ATG13: variants seen among roughly 807,000 people sequenced by gnomAD.
The protein encoded by ATG13 is autophagy-related protein 13.
Under a neutral mutation model 65.5 loss-of-function variants are expected in ATG13, and 23 were observed. The observed-to-expected ratio is 0.35, with a 90% confidence interval of 0.25 to 0.50. The LOEUF is 0.50. ATG13 is among the 20% of genes least tolerant of loss of function. The pLI is 0.98. For missense variants in ATG13, 566 were observed against 677.0 expected (o/e 0.84, Z 1.82); for synonymous variants, 252 against 245.2 (o/e 1.03, Z -0.26).
intron 2 of ATG13, among the ~76,000 whole-genome samples, chr11:46,642,815 T>C (rs2056477281): frequency 6.6e-6 from 1 of 152,208 alleles, no homozygotes; most frequent in South Asian, 2.1e-4. Flanking sequence ...TCAAAAGCCT[T>C]GGGTGGGCTC....
In ATG13 at chr11:46,672,346, T is replaced by A; in HGVS notation, c.*14T>A. On this transcript the variant is annotated 3_prime_UTR_variant, in exon 19 of 19. Coordinates refer to ENST00000683050, the MANE Select transcript of ATG13 (RefSeq NM_001346311.2). ...ACCCTGCAGTAAAAGTATCCTTGAG[T>A]CCCAGCAGCACCCCCTTTTTGTGGC... is the stretch of plus-strand genomic sequence containing the variant. 1 of 1,614,110 alleles carries A rather than the reference T, an allele frequency of 6.2e-7. No homozygotes were observed. The highest frequency in any genetic ancestry group is 1.1e-5 in the South Asian group (1 of 91,084).
intron 14 of ATG13, 111 bp downstream of exon 14, chr11:46,665,630 A>T (rs1397548082): frequency 6.4e-6 from 9 of 1,402,998 alleles, no homozygotes; most frequent in Non-Finnish European, 8.6e-6. Flanking sequence ...ATTGGCTGGG[A>T]CATGGCATTT....
chr11:46,660,281 C>T (rs1268433520), intron 11 of ATG13, among the ~76,000 whole-genome samples: 2 of 151,772 alleles, frequency 1.3e-5, no homozygotes, highest in Non-Finnish European at 2.9e-5. Context: ...TACCTCAGTT[C>T]TACTTGCCTT....
intron 11 of ATG13, among the ~76,000 whole-genome samples, chr11:46,661,830 C>CA (rs1247244871): frequency 1.1e-4 from 17 of 150,166 alleles, no homozygotes; most frequent in East Asian, 7.8e-4. Context: ...GATCCTGTCT[C>CA]AAAAAAAAAT....
intron 5 of ATG13, 120 bp from the exon 6 acceptor site, chr11:46,649,017 A>G (rs2058345536): frequency 1.3e-6 from 1 of 764,712 alleles, no homozygotes; most frequent in Non-Finnish European, 2.0e-6. Flanking sequence ...GTTCGATTAT[A>G]AGTTGATATC....
chr11:46,623,137 A>G (rs2048319102), intron 1 of ATG13, among the ~76,000 whole-genome samples: 1 of 152,010 alleles, frequency 6.6e-6, no homozygotes, highest in South Asian at 2.1e-4. Context: ...AAATACAAAA[A>G]AAAAAAATTA....
At chr11:46,621,465 C>T (rs1387473113) in intron 1 of ATG13, among the ~76,000 whole-genome samples, 1 of 152,170 alleles carries the variant, frequency 6.6e-6, no homozygotes, top group African/African-American at 2.4e-5. Flanking sequence ...GAAAGCTTCT[C>T]CCAATACTAT....
chr11:46,633,006 A>G (rs1004620287), intron 2 of ATG13, among the ~76,000 whole-genome samples: 2 of 99,168 alleles, frequency 2.0e-5, no homozygotes, highest in Non-Finnish European at 1.9e-5. Context: ...AAAAAAAAAT[A>G]TATATATATA....
chr11:46,655,329 C>T (rs956261543), intron 7 of ATG13, among the ~76,000 whole-genome samples: 23 of 151,232 alleles, frequency 1.5e-4, no homozygotes, highest in African/African-American at 4.9e-5. Flanking sequence ...ACCTGGGAGG[C>T]GGAGCTTGCA....
chr11:46,636,689 A>G (rs998113752), intron 2 of ATG13, among the ~76,000 whole-genome samples: 10 of 151,542 alleles, frequency 6.6e-5, no homozygotes, highest in African/African-American at 1.9e-4. Context: ...ACTTTGGGCC[A>G]CAAGCGATCC....
At chr11:46,654,302 T>C (rs2059576712) in intron 7 of ATG13, among the ~76,000 whole-genome samples, 2 of 143,436 alleles carry the variant, frequency 1.4e-5, no homozygotes, top group East Asian at 4.0e-4. Context: ...TATATATATA[T>C]ATATATATGT....
chr11:46,628,098 A>G (rs1483220871), intron 1 of ATG13, among the ~76,000 whole-genome samples: 2 of 151,620 alleles, frequency 1.3e-5, no homozygotes, highest in African/African-American at 4.8e-5. Flanking sequence ...AAAAAAAAAA[A>G]AAAGGCAGGA....
chr11:46,664,293 C>G (rs1016010714), intron 12 of ATG13, 198 bp downstream of exon 12: 12 of 526,744 alleles, frequency 2.3e-5, no homozygotes, highest in Middle Eastern at 9.7e-4. Flanking sequence ...GCCCCTCCTC[C>G]TACCATTGAT....
chr11:46,668,884 C>T lies in ATG13; in HGVS notation c.1420C>T (p.His474Tyr), dbSNP rs770811087. Residue 474 changes from histidine (H) to tyrosine (Y), a missense_variant, in exon 17 of 19, where the codon CAT becomes TAT. This residue lies in a region of ATG13 where 387 missense variants were observed against 409.8 expected (regional missense o/e 0.94). Transcript: ENST00000683050. ...CAGCGGGGGCAGCAGTGGCAATACC[C>T]ATGATGACTTTGTTATGATAGACTT... The part of the protein sequence containing the change: ...GSSGGSSGNT[H>Y]DDFVMIDFKP... 171 of 1,613,854 alleles carry T rather than the reference C, an allele frequency of 1.1e-4. 1 individual carries two copies. In the Middle Eastern group the frequency reaches 1.3e-3, roughly 12 times the overall value.
chr11:46,664,822 TCTC>T lies in ATG13; in HGVS notation c.889-23_889-21del, dbSNP rs773669397. The T allele has an allele frequency of 1.8e-5, 29 of 1,594,710 alleles. No homozygotes were observed. The East Asian group carries it at 4.2e-4, about 23-fold the overall frequency. ...CCTATTTTTTCCTTGCCTTTCCTTT[TCTC>T]CTCTTTGTTTTTCTCTTGCTTAGCT... On this transcript the variant is annotated intron_variant, in intron 12 of 18. Transcript: ENST00000683050.
chr11:46,631,683 C>T (rs981075433), intron 2 of ATG13, among the ~76,000 whole-genome samples: 3 of 152,022 alleles, frequency 2.0e-5, no homozygotes, highest in African/African-American at 7.2e-5. Flanking sequence ...GGGGAACAAA[C>T]GGAGACACCC....
rs777259549 is a variant in ATG13, at chr11:46,667,735, G to A, written c.1137-38G>A. 7.2e-6 allele frequency: 11 copies of A among 1,518,488 alleles called. No homozygotes were observed. The East Asian group carries it at 2.1e-4, about 28-fold the overall frequency. The allele number at this position is 1,518,488 out of a possible 1,614,324, so 94.1% of individuals were successfully genotyped here. ...TAGTGAACTAAGTCGTCCTGCTGTG[G>A]TTTGAGAACGAGTACTAACTTCACC... On this transcript the variant is annotated intron_variant, in intron 14 of 18. Coordinates refer to ENST00000683050, the MANE Select transcript of ATG13 (RefSeq NM_001346311.2).
chr11:46,649,325 T>G lies in ATG13; in HGVS notation c.317+142T>G, dbSNP rs2058428761. On this transcript the variant is annotated intron_variant, in intron 6 of 18. Coordinates refer to ENST00000683050, the MANE Select transcript of ATG13 (RefSeq NM_001346311.2). ...AAGCCAATAGGTCTTTGCTACAATT[T>G]GCTTCATCCTTGGCTTCCAGCCTGG... 6 of 927,200 alleles carry G rather than the reference T, an allele frequency of 6.5e-6. No individual in the cohort carries two copies. The Admixed American group carries it at 1.6e-4, about 25-fold the overall frequency. 57.4% of individuals were successfully genotyped at this position (927,200 alleles called of 1,614,324 possible).
chr11:46,659,764 AC>A, intron 11 of ATG13: 1 of 303,576 alleles, frequency 3.3e-6, no homozygotes, highest in Non-Finnish European at 6.1e-6. Context: ...GCATTCTGAC[AC>A]CAGAGATTTT....
Sources: gnomAD v4.1 joint callset for allele counts (sites outside exome capture counted in the v4.1 genomes callset) on GRCh38, gnomAD v4.1.1 for gene constraint, gnomAD v4.1.1 regional missense constraint, MANE v1.5 for transcripts, NCBI Gene and HGNC (gene_info 2026-07-23, HGNC 2026-07-21) for gene names.